SDCBP: variants seen among roughly 807,000 people sequenced by gnomAD.
The protein encoded by SDCBP is syntenin-1.
In SDCBP, 22 loss-of-function variants were observed where a neutral mutation model predicts 30.5. That is an observed-to-expected ratio of 0.72 (90% confidence interval 0.52 to 1.03). The LOEUF (loss-of-function observed/expected upper bound fraction) is 1.03, where lower values mean the gene tolerates loss of function less well. Ranked by LOEUF, SDCBP falls within the 50% of genes least tolerant of loss-of-function variation. The pLI is 0.00. For missense variants in SDCBP, 304 were observed against 369.9 expected, an observed-to-expected ratio of 0.82 and a Z score of 1.46; for synonymous variants, 103 against 118.7, an observed-to-expected ratio of 0.87 and a Z score of 0.86.
chr8:58,561,749 TG>T, intron 1 of SDCBP: 1 of 682,202 alleles, frequency 1.5e-6, no homozygotes. Flanking sequence ...TAAAATTAAA[TG>T]ATAAAGCTAT....
At chr8:58,571,114 C>T in intron 3 of SDCBP, 149 bp downstream of exon 3, 1 of 553,156 alleles carries the variant, frequency 1.8e-6, no homozygotes, top group Non-Finnish European at 3.3e-6. Flanking sequence ...AAAAAGTTTA[C>T]TTCAAAAAAT....
At chr8:58,581,540 T>G in intron 8 of SDCBP, 146 bp from the exon 9 acceptor site, 1 of 631,988 alleles carries the variant, frequency 1.6e-6, no homozygotes, top group East Asian at 2.8e-5. Context: ...GCTTCTGGAC[T>G]CATTTAAAAG....
intron 2 of SDCBP, among the ~76,000 whole-genome samples, chr8:58,567,792 A>G (rs1295156689): frequency 6.6e-6 from 1 of 152,218 alleles, no homozygotes; most frequent in African/African-American, 2.4e-5. Context: ...ATGATACAGT[A>G]ATACTGCATG....
At chr8:58,576,304 C>A in intron 5 of SDCBP, 3 of 370,464 alleles carry the variant, frequency 8.1e-6, no homozygotes, top group Non-Finnish European at 1.5e-5. Flanking sequence ...AACTGGAATA[C>A]ATTTCACTGG....
chr8:58,568,188 TTTTC>T (rs1190089350), intron 2 of SDCBP, among the ~76,000 whole-genome samples: 4 of 152,178 alleles, frequency 2.6e-5, no homozygotes, highest in African/African-American at 4.8e-5. Context: ...GTATAAAATA[TTTTC>T]TTTCTTTATA....
rs1163737459 is a variant in SDCBP at position 58,578,022 on chromosome 8, T to C, written c.403-11T>C. ...GTGGTAAATGACAAAAATTATTTTC[T>C]TATTATCTAGGGTATATTTGTTCAG... On this transcript the variant is annotated splice_polypyrimidine_tract_variant and intron_variant, in intron 5 of 8. Coordinates refer to ENST00000260130, the MANE Select transcript of SDCBP (RefSeq NM_005625.4). 6.2e-7 allele frequency: 1 copy of C among 1,606,670 alleles called. No individual in the cohort carries two copies. Among genetic ancestry groups the C allele is most frequent in the Admixed American group, 1.7e-5 (1 of 59,662 alleles).
chr8:58,581,215 A>G (rs1304687431), intron 8 of SDCBP, among the ~76,000 whole-genome samples: 1 of 152,202 alleles, frequency 6.6e-6, no homozygotes. Flanking sequence ...TGCATGTGAA[A>G]ATGAGATTTA....
At chr8:58,576,864 A>C (rs1284680066) in intron 5 of SDCBP, among the ~76,000 whole-genome samples, 4 of 152,200 alleles carry the variant, frequency 2.6e-5, no homozygotes, top group African/African-American at 9.7e-5. Flanking sequence ...AGTGTGGTGC[A>C]CTGCTGTAAA....
chr8:58,577,900 CT>C, intron 5 of SDCBP, 132 bp from the exon 6 acceptor site: 2 of 685,126 alleles, frequency 2.9e-6, no homozygotes, highest in Non-Finnish European at 2.4e-6. Flanking sequence ...ATAGTTTTTC[CT>C]TTTTTTCTTT....
Position 58,556,830 on chromosome 8 carries a change from C to CAT in SDCBP, c.-16+3537_-16+3538dup, listed in dbSNP as rs369316993. Among the ~76,000 whole-genome samples, 1,327 of 142,988 alleles carry CAT rather than the reference C, an allele frequency of 9.3e-3. 19 individuals are homozygous for CAT. The highest frequency in any genetic ancestry group is 0.032 in the African/African-American group (1,241 of 38,886). The allele number at this position is 142,988 out of a possible 152,430, so 93.8% of individuals were successfully genotyped here. A position where few individuals can be genotyped will look rare whatever the true frequency, so the allele number is the denominator to read the frequency against. ...TACTGAGGCAGACAATATATAAATA[C>CAT]ATATATATATAAAATGTATGTATTA... On this transcript the variant is annotated intron_variant, in intron 1 of 8. Transcript: ENST00000260130.
chr8:58,570,587 C>A, intron 2 of SDCBP: 1 of 221,092 alleles, frequency 4.5e-6, no homozygotes, highest in Non-Finnish European at 8.8e-6. Context: ...TTTTAGAATG[C>A]ACTTTGAAAA....
intron 1 of SDCBP, among the ~76,000 whole-genome samples, chr8:58,557,904 T>A (rs1250158958): frequency 6.6e-6 from 1 of 152,186 alleles, no homozygotes; most frequent in Middle Eastern, 3.2e-3. Flanking sequence ...GCAAGTGAGG[T>A]AAAATGAGAT....
intron 2 of SDCBP, 25 bp downstream of exon 2, chr8:58,565,109 CA>C: frequency 7.7e-7 from 1 of 1,294,546 alleles, no homozygotes; most frequent in South Asian, 1.3e-5. Flanking sequence ...ATACTTTTGT[CA>C]AAACAAACAC....
chr8:58,578,740 C>G (rs1805493656), intron 6 of SDCBP, among the ~76,000 whole-genome samples: 2 of 152,186 alleles, frequency 1.3e-5, no homozygotes, highest in African/African-American at 4.8e-5. Flanking sequence ...CTACTCCATA[C>G]CCAATTAAGG....
intron 5 of SDCBP, among the ~76,000 whole-genome samples, chr8:58,577,747 AG>A (rs770409453): frequency 1.5e-4 from 23 of 152,078 alleles, no homozygotes; most frequent in Non-Finnish European, 3.1e-4. Context: ...TCCAAGTTGA[AG>A]GGGGGGATTG....
intron 2 of SDCBP, among the ~76,000 whole-genome samples, chr8:58,569,664 C>T (rs958328696): frequency 4.0e-5 from 6 of 151,594 alleles, no homozygotes; most frequent in African/African-American, 1.2e-4. Context: ...TTCCCAGTGC[C>T]GCACAGTATT....
intron 3 of SDCBP, among the ~76,000 whole-genome samples, chr8:58,571,542 T>C (rs1805024593): frequency 2.6e-5 from 4 of 152,204 alleles, no homozygotes; most frequent in African/African-American, 7.2e-5. Flanking sequence ...CATTTTGTCT[T>C]ACAACAGTTT....
chr8:58,577,918 C>CT, intron 5 of SDCBP, 115 bp from the exon 6 acceptor site: 3 of 757,566 alleles, frequency 4.0e-6, no homozygotes, highest in South Asian at 4.0e-5. Flanking sequence ...CTTTTTCTTT[C>CT]TTTTTTGTCA....
rs1298110777 is a variant in SDCBP, at chr8:58,578,201, C to T, written c.571C>T (p.Arg191Cys). The stretch of plus-strand genomic sequence containing the variant: ...TGGAGAGAAGATTACCATGACCATT[C>T]GTGACAGGTAAGCTGTTACTAAACA... ...AFGEKITMTI[R>C]DRPFERTITM... The change falls in exon 6 of 9, where the codon CGT becomes TGT. Residue 191 changes from arginine to cysteine, a missense_variant. Transcript: ENST00000260130. 6.4e-6 allele frequency: 10 copies of T among 1,552,604 alleles called. No individual in the cohort carries two copies. Among genetic ancestry groups the T allele is most frequent in the African/African-American group, 2.8e-5 (2 of 71,476 alleles).
Sources: gnomAD v4.1 joint callset for allele counts (sites outside exome capture counted in the v4.1 genomes callset) on GRCh38, gnomAD v4.1.1 for gene constraint, MANE v1.5 for transcripts, NCBI Gene and HGNC (gene_info 2026-07-23, HGNC 2026-07-21) for gene names.